Variants in TMEM223 observed in about 807,000 individuals in gnomAD.
The protein encoded by TMEM223 is transmembrane protein 223.
A neutral mutation model predicts 14.1 loss-of-function variants in TMEM223; 14 were observed. The ratio of observed to expected loss-of-function variants is 0.99; its 90% CI spans 0.66 to 1.55. The LOEUF is 1.55. TMEM223 is among the 40% of genes most tolerant of loss of function. The pLI is 0.00. For missense variants in TMEM223, 346 were observed against 269.9 expected (o/e 1.28, Z -1.97); for synonymous variants, 145 against 120.5 (o/e 1.20, Z -1.33).
intron 1 of TMEM223, chr11:62,776,617 G>A (rs1678978233): frequency 8.5e-6 from 6 of 703,958 alleles, no homozygotes; most frequent in South Asian, 1.6e-5. Flanking sequence ...TTGGGAGGCC[G>A]AGGTGGGCGG....
At chr11:62,787,153 C>T (rs777152256), downstream of TMEM223, 15 of 1,574,300 alleles carry the variant, frequency 9.5e-6, no homozygotes, top group Non-Finnish European at 1.2e-5. Context: ...CTGCCGCGGG[C>T]GCCTTTTCCA....
rs2084366342 is a variant in TMEM223, at chr11:62,791,894, A to G, written c.101T>C (p.Val34Ala). 4 of 1,600,364 alleles carry G rather than the reference A, an allele frequency of 2.5e-6. No homozygotes were observed. Among genetic ancestry groups the G allele is most frequent in the South Asian group, 1.1e-5 (1 of 88,640 alleles). The change falls in exon 1 of 2, where the codon GTG (valine) becomes GCG (alanine). Residue 34 changes from valine to alanine, a missense_variant. Coordinates refer to ENST00000307366, the MANE Select transcript of TMEM223 (RefSeq NM_001080501.3). ...GCCCCGATCATGCTCAAAGAGCAGCACATCCCGTTGCAGCGTCGTGCCTTG... is the reference window on the plus strand; with the variant it reads ...GCCCCGATCATGCTCAAAGAGCAGCGCATCCCGTTGCAGCGTCGTGCCTTG... ...PLQGTTLQRDVLLFEHDRGRF... is the reference protein window; with the variant it reads ...PLQGTTLQRDALLFEHDRGRF...
chr11:62,786,468 G>A (rs764847438), downstream of TMEM223: 26 of 1,586,264 alleles, frequency 1.6e-5, no homozygotes, highest in Non-Finnish European at 2.2e-5. Context: ...TATTTGATGG[G>A]CCCAGGTTCC....
chr11:62,772,523 CAAA>C (rs556866279), intron 2 of TMEM223, among the ~76,000 whole-genome samples: 4 of 74,010 alleles, frequency 5.4e-5, no homozygotes, highest in Non-Finnish European at 5.7e-5. Context: ...ACTGTGTCTC[CAAA>C]AAAAAAAAAA....
In TMEM223 at chr11:62,791,668, C is replaced by G. The variant is rs2084362570; in HGVS notation, c.316+11G>C. Reference sequence around the variant, plus strand: ...CACGTTGTCACAGTGGGAAGCCAGCCCACGTCTTACCGATGGCGCCGCAGC... The same window carrying G: ...CACGTTGTCACAGTGGGAAGCCAGCGCACGTCTTACCGATGGCGCCGCAGC... On this transcript the variant is annotated intron_variant, in intron 1 of 1. Coordinates refer to ENST00000307366, the MANE Select transcript of TMEM223 (RefSeq NM_001080501.3). The G allele has an allele frequency of 6.6e-7, 1 of 1,521,428 alleles. No individual in the cohort carries two copies. The highest frequency in any genetic ancestry group is 8.8e-7 in the Non-Finnish European group (1 of 1,134,446). 94.2% of individuals were successfully genotyped at this position (1,521,428 alleles called of 1,614,324 possible).
chr11:62,789,752 G>T (rs2084336071), downstream of TMEM223: 6 of 1,515,022 alleles, frequency 4.0e-6, no homozygotes, highest in East Asian at 1.4e-4. Context: ...AGTGTATTGT[G>T]AGCTTGGCCT....
chr11:62,778,314 A>G, intron 1 of TMEM223: 1 of 1,614,148 alleles, frequency 6.2e-7, no homozygotes, highest in Non-Finnish European at 8.5e-7. Context: ...TGGCAAAGGG[A>G]ACCTGGCACC....
At chr11:62,791,002 G>A in intron 1 of TMEM223, 87 bp from the exon 2 acceptor site, 1 of 1,385,258 alleles carries the variant, frequency 7.2e-7, no homozygotes, top group Non-Finnish European at 9.6e-7. Context: ...TAAGAAATTT[G>A]TGGGATGAAA....
At chr11:62,782,930 C>T, downstream of TMEM223, 2 of 1,493,338 alleles carry the variant, frequency 1.3e-6, no homozygotes, top group East Asian at 2.3e-5. Flanking sequence ...CCTGCCACTG[C>T]CATGTATTGA....
downstream of TMEM223, chr11:62,789,571 T>C (rs955435917): frequency 6.5e-7 from 1 of 1,550,296 alleles, no homozygotes; most frequent in African/African-American, 1.4e-5. Flanking sequence ...ACTATCACGC[T>C]TTCTCACAAC....
downstream of TMEM223, chr11:62,789,590 T>C (rs377590992): frequency 6.5e-7 from 1 of 1,549,916 alleles, no homozygotes; most frequent in Non-Finnish European, 8.7e-7. Flanking sequence ...ACTGTCTCTT[T>C]GACCTCACAG....
chr11:62,787,014 G>T, downstream of TMEM223: 1 of 1,489,892 alleles, frequency 6.7e-7, no homozygotes, highest in Admixed American at 2.2e-5. Context: ...GCGTGCATCG[G>T]GCGCGCGGGG....
At chr11:62,791,024 T>C (rs1217051074) in intron 1 of TMEM223, 109 bp from the exon 2 acceptor site, 14 of 1,256,352 alleles carry the variant, frequency 1.1e-5, no homozygotes, top group South Asian at 1.7e-5. Flanking sequence ...TAGTATTTAC[T>C]GAGCGCTTTT....
exon 3 of TMEM223, chr11:62,772,118 G>T (rs1267913893): frequency 2.2e-6 from 1 of 456,204 alleles, no homozygotes; most frequent in South Asian, 1.5e-5. Context: ...AGCCTCTGAG[G>T]TTTGATTTCC....
chr11:62,779,353 C>T (rs1735306951), intron 1 of TMEM223, among the ~76,000 whole-genome samples: 1 of 152,074 alleles, frequency 6.6e-6, no homozygotes, highest in Non-Finnish European at 1.5e-5. Context: ...CGCCAACATA[C>T]CCGGCTAATT....
downstream of TMEM223, chr11:62,789,196 C>G (rs368464361): frequency 7.4e-6 from 12 of 1,614,030 alleles, no homozygotes; most frequent in African/African-American, 1.5e-4. Context: ...GCAGCTGCAT[C>G]GAGGACTCCC....
At chr11:62,773,537 T>C (rs2084164910) in intron 2 of TMEM223, among the ~76,000 whole-genome samples, 1 of 151,620 alleles carries the variant, frequency 6.6e-6, no homozygotes, top group Non-Finnish European at 1.5e-5. Flanking sequence ...AACCTCTGTC[T>C]CACGGGTTCA....
Position 62,791,963 on chromosome 11 carries a change from C to T in TMEM223, c.32G>A (p.Gly11Glu), listed in dbSNP as rs372087114. MAAPWRRWPT[G>E]LLAVLRPLLT... The stretch of plus-strand genomic sequence containing the variant: ...CAGGGGCCGCAGCACGGCTAGCAGC[C>T]CCGTGGGCCATCGCCTCCAAGGCGC... The change falls in exon 1 of 2, where the codon GGG becomes GAG. Residue 11 changes from glycine to glutamate, a missense_variant. By Grantham distance (98) the Gly-to-Glu change is moderately conservative. Transcript: ENST00000307366. 19 of 1,569,766 alleles carry T rather than the reference C, an allele frequency of 1.2e-5. No individual in the cohort carries two copies. The Admixed American group carries it at 2.9e-4, about 24-fold the overall frequency.
downstream of TMEM223, chr11:62,789,024 G>A: frequency 6.2e-7 from 1 of 1,610,506 alleles, no homozygotes; most frequent in Non-Finnish European, 8.5e-7. Context: ...TCTCCACAGG[G>A]CTCCTTCAGT....
Sources: gnomAD v4.1 joint callset for allele counts (sites outside exome capture counted in the v4.1 genomes callset) on GRCh38, gnomAD v4.1.1 for gene constraint, MANE v1.5 for transcripts, NCBI Gene and HGNC (gene_info 2026-07-23, HGNC 2026-07-21) for gene names.